Variants in SAFB2 observed in about 807,000 individuals in gnomAD.
The protein encoded by SAFB2 is scaffold attachment factor B2.
Under a neutral mutation model 100.6 loss-of-function variants are expected in SAFB2, and 32 were observed. The ratio of observed to expected loss-of-function variants is 0.32; its 90% confidence interval spans 0.24 to 0.43. SAFB2 has a LOEUF of 0.43. Ranked by LOEUF, SAFB2 falls within the 20% of genes least tolerant of loss-of-function variation. The pLI is 1.00. For synonymous variants in SAFB2, 500 were observed against 439.4 expected, an observed-to-expected ratio of 1.14 and a Z score of -1.72; for missense variants, 1,185 against 1,163.4, an observed-to-expected ratio of 1.02 and a Z score of -0.27.
rs1208810503 is a variant in SAFB2, at chr19:5,594,115, G to A, written c.1983C>T (p.Ala661=). The A allele has an allele frequency of 3.7e-6, 6 of 1,601,930 alleles. No homozygotes were observed. Among genetic ancestry groups the A allele is most frequent in the Non-Finnish European group, 5.1e-6 (6 of 1,178,554 alleles). The change falls in exon 15 of 21, where the codon GCC becomes GCT. Residue 661 remains alanine, a synonymous_variant. Coordinates refer to ENST00000252542, the MANE Select transcript of SAFB2 (RefSeq NM_014649.3). The part of the protein sequence containing the change: ...LEAFHERKEK[A]RLQRERLQLE... Reference sequence around the variant, plus strand: ...GCTGCAGGCGTTCCCGCTGTAGCCGGGCCTTCTCCTTCCGCTCATGGAAGG... The same window carrying A: ...GCTGCAGGCGTTCCCGCTGTAGCCGAGCCTTCTCCTTCCGCTCATGGAAGG...
intron 5 of SAFB2, among the ~76,000 whole-genome samples, chr19:5,612,905 T>G (rs969451404): frequency 1.3e-5 from 2 of 152,114 alleles, no homozygotes; most frequent in African/African-American, 4.8e-5. Context: ...TCACAGTGGA[T>G]TTAAGAAAAA....
chr19:5,610,729 G>A (rs911256215), intron 7 of SAFB2, 41 bp from the exon 8 acceptor site: 87 of 1,349,146 alleles, frequency 6.4e-5, no homozygotes, highest in South Asian at 9.0e-5. Context: ...GGAAAAAAAC[G>A]AAAGAGAACA....
rs1351117590 is a variant in SAFB2, at chr19:5,594,033, G to C, written c.2065C>G (p.Arg689Gly). The C allele has an allele frequency of 6.4e-7, 1 of 1,571,132 alleles. No individual in the cohort carries two copies. Among genetic ancestry groups the C allele is most frequent in the South Asian group, 1.1e-5 (1 of 87,362 alleles). Reference protein sequence around the residue: ...RERMERERLERERMRVERERR... With the variant: ...RERMERERLEGERMRVERERR... The stretch of plus-strand genomic sequence containing the variant: ...TCACGCTCCACGCGCATGCGCTCGC[G>C]CTCCAGCCGCTCCCGCTCCATGCGC... The change falls in exon 15 of 21, where the codon CGC (arginine) becomes GGC (glycine). Residue 689 changes from arginine (R) to glycine (G), a missense_variant. Coordinates refer to ENST00000252542, the MANE Select transcript of SAFB2 (RefSeq NM_014649.3).
intron 14 of SAFB2, among the ~76,000 whole-genome samples, chr19:5,594,788 G>A (rs1032914648): frequency 1.3e-5 from 2 of 152,178 alleles, no homozygotes; most frequent in South Asian, 2.1e-4. Context: ...CAGGAGGATC[G>A]CTTGGGCCCA....
chr19:5,609,982 A>T lies in SAFB2; in HGVS notation c.1296+13T>A. On this transcript the variant is annotated intron_variant, in intron 9 of 20. Transcript: ENST00000252542. ...GAATCACAGTGGATGGTATGAGGCAAGGGAAGGCATACCTTCCCATACTTG... is the reference window on the plus strand; with the variant it reads ...GAATCACAGTGGATGGTATGAGGCATGGGAAGGCATACCTTCCCATACTTG... 1 of 1,598,174 alleles carries T rather than the reference A, an allele frequency of 6.3e-7. No individual in the cohort carries two copies. The highest frequency in any genetic ancestry group is 8.6e-7 in the Non-Finnish European group (1 of 1,165,838).
chr19:5,587,069 GAAC>G lies in SAFB2; in HGVS notation c.*171_*173del, dbSNP rs1391728238. 3 of 834,164 alleles carry G rather than the reference GAAC, an allele frequency of 3.6e-6. No homozygotes were observed. Among genetic ancestry groups the G allele is most frequent in the Non-Finnish European group, 3.7e-6 (2 of 543,566 alleles). The allele number at this position is 834,164 out of a possible 1,614,324, so 51.7% of individuals were successfully genotyped here. On this transcript the variant is annotated 3_prime_UTR_variant, in exon 21 of 21. Coordinates refer to ENST00000252542, the MANE Select transcript of SAFB2 (RefSeq NM_014649.3). This position sits in a 1 kb window ranked among gnomAD's most constrained non-coding sequence, Gnocchi z 4.9. ...CAGAAACCTTGATTTAAAAATGGCA[GAAC>G]AAGAACACATTTATTTAAAAAAAAA... is the stretch of plus-strand genomic sequence containing the variant.
intron 4 of SAFB2, among the ~76,000 whole-genome samples, chr19:5,615,486 T>C (rs903193878): frequency 5.9e-5 from 9 of 151,904 alleles, no homozygotes. Context: ...GGCGGGAGGA[T>C]TGCTTGAGCT....
chr19:5,594,480 C>A (rs2052494037), intron 14 of SAFB2, among the ~76,000 whole-genome samples: 1 of 152,206 alleles, frequency 6.6e-6, no homozygotes, highest in African/African-American at 2.4e-5. Context: ...GAACGCCGGG[C>A]ATCCCGACAT....
chr19:5,604,280 C>T (rs2052725673), intron 11 of SAFB2, among the ~76,000 whole-genome samples: 1 of 152,206 alleles, frequency 6.6e-6, no homozygotes, highest in African/African-American at 2.4e-5. Flanking sequence ...TGTACGCCTG[C>T]AGTAGTCCCA....
At position 5,604,774 on chromosome 19, in the gene SAFB2, A is replaced by G. The variant is rs1462468963; in HGVS notation, c.1446+13T>C. On this transcript the variant is annotated intron_variant, in intron 10 of 20. Coordinates refer to ENST00000252542, the MANE Select transcript of SAFB2 (RefSeq NM_014649.3). The stretch of plus-strand genomic sequence containing the variant: ...CTCCATTTGCGAGTTACCATAGACG[A>G]GAACTGCCTCACCTTCTCTACGGAG... The G allele has an allele frequency of 1.2e-6, 2 of 1,614,032 alleles. No individual in the cohort carries two copies. The highest frequency in any genetic ancestry group is 1.7e-6 in the Non-Finnish European group (2 of 1,179,858).
At chr19:5,592,004 T>C (rs2052418836) in intron 16 of SAFB2, among the ~76,000 whole-genome samples, 2 of 152,140 alleles carry the variant, frequency 1.3e-5, no homozygotes, top group Non-Finnish European at 2.9e-5. Flanking sequence ...GGAATAAAGA[T>C]CTCACTGAAC....
At chr19:5,615,633 C>T (rs931767893) in intron 4 of SAFB2, among the ~76,000 whole-genome samples, 4 of 152,108 alleles carry the variant, frequency 2.6e-5, no homozygotes, top group Non-Finnish European at 5.9e-5. Flanking sequence ...ACCTGGGAGG[C>T]TGAGGCTGCA....
rs751267619 is a variant in SAFB2, at chr19:5,622,525, C to T, written c.186+5G>A. 2 of 1,603,356 alleles carry T rather than the reference C, an allele frequency of 1.2e-6. No homozygotes were observed. Among genetic ancestry groups the T allele is most frequent in the Non-Finnish European group, 8.5e-7 (1 of 1,175,144 alleles). On this transcript the variant is annotated splice_donor_5th_base_variant and intron_variant, in intron 1 of 20. Transcript: ENST00000252542. Reference sequence around the variant, plus strand: ...GCGCCACCCCCGAGCCCCGCGCCGCCTCACCTTCTTGAGCCGCTCCATCAG... The same window carrying T: ...GCGCCACCCCCGAGCCCCGCGCCGCTTCACCTTCTTGAGCCGCTCCATCAG...
intron 4 of SAFB2, among the ~76,000 whole-genome samples, chr19:5,614,115 G>T (rs1050926584): frequency 6.6e-6 from 1 of 152,074 alleles, no homozygotes; most frequent in African/African-American, 2.4e-5. Flanking sequence ...CACCACGCCC[G>T]GCTAATTTTT....
intron 2 of SAFB2, among the ~76,000 whole-genome samples, chr19:5,620,828 T>C (rs2053124866): frequency 6.6e-6 from 1 of 152,208 alleles, no homozygotes; most frequent in African/African-American, 2.4e-5. Flanking sequence ...GGTCTGTGAA[T>C]TAAACCTTCA....
Position 5,593,938 on chromosome 19 carries a change from A to T in SAFB2, c.2160T>A (p.Arg720=). The T allele has an allele frequency of 6.4e-7, 1 of 1,552,770 alleles. No homozygotes were observed. Among genetic ancestry groups the T allele is most frequent in the Non-Finnish European group, 8.6e-7 (1 of 1,159,518 alleles). Residue 720 remains arginine, a synonymous_variant, in exon 15 of 21, where the codon CGT becomes CGA. Coordinates refer to ENST00000252542, the MANE Select transcript of SAFB2 (RefSeq NM_014649.3). ...GCCCGGGCCGCCGCTCCTGCTCGTA[A>T]CGCAGCTGCTCCTGCTGGCGCCGCA... ...EELRRQQEQL[R]YEQERRPGRR...
intron 14 of SAFB2, 80 bp downstream of exon 14, chr19:5,595,281 G>A (rs73920025): frequency 1.2e-4 from 183 of 1,527,598 alleles, no homozygotes; most frequent in African/African-American, 1.2e-3. Flanking sequence ...CACAGACTGC[G>A]CACTCCAAGT....
At position 5,604,952 on chromosome 19, in the gene SAFB2, C is replaced by T; in HGVS notation, c.1297-16G>A. On this transcript the variant is annotated splice_polypyrimidine_tract_variant and intron_variant, in intron 9 of 20. Coordinates refer to ENST00000252542, the MANE Select transcript of SAFB2 (RefSeq NM_014649.3). ...CCCCGACAACCTTCATGAAAAAGGG[C>T]ACTCTTACTCTCTCATACAAATGAC... 1 of 1,610,128 alleles carries T rather than the reference C, an allele frequency of 6.2e-7. No homozygotes were observed. Among genetic ancestry groups the T allele is most frequent in the Non-Finnish European group, 8.5e-7 (1 of 1,179,580 alleles).
At position 5,622,659 on chromosome 19, in the gene SAFB2, G is replaced by A; in HGVS notation, c.57C>T (p.Gly19=). The change falls in exon 1 of 21, where the codon GGC becomes GGT. Residue 19 remains glycine (G), a synonymous_variant. Coordinates refer to ENST00000252542, the MANE Select transcript of SAFB2 (RefSeq NM_014649.3). ...TCGTCCCAGTCTCCGCAACGCCCGG[G>A]CCGAGAGAAGCCGTGCCAGGGCCCG... ...GDSGPGTASL[G]PGVAETGTRR... The A allele has an allele frequency of 6.2e-7, 1 of 1,608,076 alleles. No homozygotes were observed.
Sources: gnomAD v4.1 joint callset for allele counts (sites outside exome capture counted in the v4.1 genomes callset) on GRCh38, gnomAD v4.1.1 for gene constraint, Gnocchi (gnomAD v3.1) non-coding constraint, MANE v1.5 for transcripts, NCBI Gene and HGNC (gene_info 2026-07-23, HGNC 2026-07-21) for gene names.